Variants in PRR27 observed in about 807,000 individuals in gnomAD.
The protein encoded by PRR27 is proline-rich protein 27.
A neutral mutation model predicts 16.8 loss-of-function variants in PRR27; 12 were observed. That is an observed-to-expected ratio of 0.71 (90% CI 0.46 to 1.16). The LOEUF is 1.16. Ranked by LOEUF, PRR27 falls within the 50% of genes most tolerant of loss-of-function variation. The pLI, the probability that PRR27 is intolerant of heterozygous loss-of-function variation, is 0.00. For synonymous variants in PRR27, 100 were observed against 98.4 expected, an observed-to-expected ratio of 1.02 and a Z score of -0.10; for missense variants, 277 against 273.3, an observed-to-expected ratio of 1.01 and a Z score of -0.10.
intron 3 of PRR27, among the ~76,000 whole-genome samples, chr4:70,159,915 T>G (rs1018205700): frequency 1.3e-5 from 2 of 152,184 alleles, no homozygotes; most frequent in Non-Finnish European, 2.9e-5. Context: ...GTACCAATTG[T>G]GAGTACCAAT....
intron 1 of PRR27, among the ~76,000 whole-genome samples, chr4:70,154,943 A>G (rs1377249032): frequency 6.6e-6 from 1 of 152,202 alleles, no homozygotes; most frequent in Non-Finnish European, 1.5e-5. Flanking sequence ...TCTGATGGCA[A>G]ATTCTTAATC....
chr4:70,154,552 A>C, intron 1 of PRR27, 126 bp downstream of exon 1: 1 of 892,832 alleles, frequency 1.1e-6, no homozygotes, highest in Non-Finnish European at 1.8e-6. Flanking sequence ...ATAGATGGAC[A>C]TGAGATTTGT....
chr4:70,156,151 C>A, intron 2 of PRR27, 74 bp downstream of exon 2: 1 of 789,612 alleles, frequency 1.3e-6, no homozygotes, highest in Non-Finnish European at 1.9e-6. Context: ...TTAAAACTCT[C>A]TGATTTCTTT....
intron 2 of PRR27, among the ~76,000 whole-genome samples, chr4:70,157,324 A>T (rs1568503): frequency 0.95 from 144,848 of 151,832 alleles, 69,308 homozygotes; most frequent in East Asian, 1. Flanking sequence ...GAGAAGGTAC[A>T]CATTTTATAC....
At chr4:70,160,918 T>C (rs1728630293) in intron 3 of PRR27, among the ~76,000 whole-genome samples, 1 of 152,008 alleles carries the variant, frequency 6.6e-6, no homozygotes, top group Non-Finnish European at 1.5e-5. Context: ...GAATTATTTA[T>C]GCAGCACATT....
intron 1 of PRR27, chr4:70,154,669 G>T (rs1010904678): frequency 9.6e-7 from 1 of 1,040,024 alleles, no homozygotes; most frequent in African/African-American, 1.6e-5. Flanking sequence ...AATGTAGGAG[G>T]CTGGAGGAGG....
chr4:70,161,309 A>G (rs1728645535), intron 3 of PRR27, among the ~76,000 whole-genome samples: 1 of 150,720 alleles, frequency 6.6e-6, no homozygotes, highest in South Asian at 2.1e-4. Flanking sequence ...GAACCTGATA[A>G]GAAGGGACCT....
At chr4:70,159,499 C>T (rs757186222) in intron 3 of PRR27, among the ~76,000 whole-genome samples, 23 of 152,202 alleles carry the variant, frequency 1.5e-4, no homozygotes, top group Admixed American at 6.5e-4. Context: ...GATGGACATC[C>T]CTGCTCAGTT....
At position 70,164,595 on chromosome 4, in the gene PRR27, T is replaced by A. The variant is rs1399915011; in HGVS notation, c.*1934T>A. ...CTGTCTTTCACAGATACATGCAATA[T>A]TCACTTCTAAATATTTAATGATAAA... On this transcript the variant is annotated 3_prime_UTR_variant, in exon 5 of 5. Coordinates refer to ENST00000344526, the MANE Select transcript of PRR27 (RefSeq NM_214711.4). 3 of 152,170 alleles carry A rather than the reference T, an allele frequency of 2.0e-5. No homozygotes were observed. The highest frequency in any genetic ancestry group is 4.4e-5 in the Non-Finnish European group (3 of 68,000). 9.4% of individuals were successfully genotyped at this position (152,170 alleles called of 1,614,324 possible).
chr4:70,165,512 T>C lies in PRR27; in HGVS notation c.*2851T>C, dbSNP rs1480794994. The C allele has an allele frequency of 2.0e-5, 3 of 152,104 alleles. No homozygotes were observed. The highest frequency in any genetic ancestry group is 7.2e-5 in the African/African-American group (3 of 41,426). The allele number at this position is 152,104 out of a possible 1,614,324, so 9.4% of individuals were successfully genotyped here. ...TACTTAGTGGATTAGGGTAATTCAT[T>C]CTACTTTTAAAAATGATTTTTCCAC... On this transcript the variant is annotated 3_prime_UTR_variant, in exon 5 of 5. Transcript: ENST00000344526.
Position 70,163,585 on chromosome 4 carries a change from T to A in PRR27, c.*924T>A, listed in dbSNP as rs1158722053. On this transcript the variant is annotated 3_prime_UTR_variant, in exon 5 of 5. Coordinates refer to ENST00000344526, the MANE Select transcript of PRR27 (RefSeq NM_214711.4). ...CCTCGGCCTCCCAAAGTGCTGGGAA[T>A]ACAGGCGTGAGCCACCGTGCCCTGC... 1 of 152,846 alleles carries A rather than the reference T, an allele frequency of 6.5e-6. No individual in the cohort carries two copies. Among genetic ancestry groups the A allele is most frequent in the Non-Finnish European group, 1.5e-5 (1 of 68,642 alleles). The allele number at this position is 152,846 out of a possible 1,614,324, so 9.5% of individuals were successfully genotyped here. A position where few individuals can be genotyped will look rare whatever the true frequency, so the allele number is the denominator to read the frequency against.
Position 70,163,314 on chromosome 4 carries a change from T to TTA in PRR27, c.*654_*655insAT, listed in dbSNP as rs1728687290. On this transcript the variant is annotated 3_prime_UTR_variant, in exon 5 of 5. Transcript: ENST00000344526. ...CTAACAGAAATGGAGGAATAGCCTC[T>TTA]TTTTTTTTTTTTTTTTTTGAGACGA... is the stretch of plus-strand genomic sequence containing the variant. 1 of 28,804 alleles carries TTA rather than the reference T, an allele frequency of 3.5e-5. No individual in the cohort carries two copies. The highest frequency in any genetic ancestry group is 0.071 in the Middle Eastern group (1 of 14). The allele number at this position is 28,804 out of a possible 1,614,324, so 1.8% of individuals were successfully genotyped here.
chr4:70,157,333 A>G (rs1728507533), intron 2 of PRR27, among the ~76,000 whole-genome samples: 1 of 151,826 alleles, frequency 6.6e-6, no homozygotes, highest in Admixed American at 6.6e-5. Context: ...CACATTTTAT[A>G]CTTTTAAAAA....
rs1279449405 is a variant in PRR27, at chr4:70,154,401, T to C, written c.26T>C (p.Ile9Thr). ...ATGAAGCTTCTCCTTTGGGCCTGCA[T>C]TGTATGTGTTGCTTTTGCAAGGAAG... is the stretch of plus-strand genomic sequence containing the variant. Reference protein sequence around the residue: MKLLLWACIVCVAFARKRR... With the variant: MKLLLWACTVCVAFARKRR... Residue 9 changes from isoleucine to threonine, a missense_variant, in exon 1 of 5, where the codon ATT (isoleucine) becomes ACT (threonine). Coordinates refer to ENST00000344526, the MANE Select transcript of PRR27 (RefSeq NM_214711.4). 2.5e-6 allele frequency: 4 copies of C among 1,612,970 alleles called. No homozygotes were observed. The Admixed American group carries it at 5.0e-5, about 20-fold the overall frequency.
At chr4:70,155,848 A>C (rs1728463724) in intron 1 of PRR27, among the ~76,000 whole-genome samples, 1 of 152,170 alleles carries the variant, frequency 6.6e-6, no homozygotes, top group Non-Finnish European at 1.5e-5. Context: ...AGCCAAAGTA[A>C]AACTCCCTGA....
chr4:70,154,426 G>A lies in PRR27; in HGVS notation c.51G>A (p.Lys17=). 6.2e-7 allele frequency: 1 copy of A among 1,611,616 alleles called. No homozygotes were observed. Among genetic ancestry groups the A allele is most frequent in the Non-Finnish European group, 8.5e-7 (1 of 1,177,964 alleles). The stretch of plus-strand genomic sequence containing the variant: ...TTGTATGTGTTGCTTTTGCAAGGAA[G>A]GTAAGTAAATGGACTTCCAAAATTG... ...ACIVCVAFAR[K]RRFPFIGEDD... is the part of the protein sequence containing the mutation. The change falls in exon 1 of 5, where the codon AAG becomes AAA. Residue 17 remains lysine, a splice_region_variant and synonymous_variant. Coordinates refer to ENST00000344526, the MANE Select transcript of PRR27 (RefSeq NM_214711.4).
rs200624625 is a variant in PRR27, at chr4:70,156,059, G to A, written c.57G>A (p.Arg19=). Reference sequence around the variant, plus strand: ...TATATTTTTCTTTATTTTAGAGACGGTTCCCCTTCATTGGTGAGGTAAAAC... The same window carrying A: ...TATATTTTTCTTTATTTTAGAGACGATTCCCCTTCATTGGTGAGGTAAAAC... The part of the protein sequence containing the change: ...IVCVAFARKR[R]FPFIGEDDND... Residue 19 remains arginine, a synonymous_variant, in exon 2 of 5, where the codon CGG becomes CGA. Transcript: ENST00000344526. The A allele has an allele frequency of 2.8e-6, 4 of 1,434,728 alleles. No individual in the cohort carries two copies. Among genetic ancestry groups the A allele is most frequent in the Non-Finnish European group, 3.7e-6 (4 of 1,072,218 alleles). 88.9% of individuals were successfully genotyped at this position (1,434,728 alleles called of 1,614,324 possible).
At position 70,164,452 on chromosome 4, in the gene PRR27, T is replaced by C. The variant is rs2109796656; in HGVS notation, c.*1791T>C. The C allele has an allele frequency of 6.6e-6, 1 of 152,294 alleles. No individual in the cohort carries two copies. Among genetic ancestry groups the C allele is most frequent in the Admixed American group, 6.5e-5 (1 of 15,300 alleles). The allele number at this position is 152,294 out of a possible 1,614,324, so 9.4% of individuals were successfully genotyped here. ...GCCATGAGGACATGGTCTCAAAAAATGAGAAACTTTCTTAGACAGTAAAAT... is the reference window on the plus strand; with the variant it reads ...GCCATGAGGACATGGTCTCAAAAAACGAGAAACTTTCTTAGACAGTAAAAT... On this transcript the variant is annotated 3_prime_UTR_variant, in exon 5 of 5. Coordinates refer to ENST00000344526, the MANE Select transcript of PRR27 (RefSeq NM_214711.4).
rs750903215 is a variant in PRR27 at position 70,161,593 on chromosome 4, A to G, written c.656A>G (p.Gln219Arg). The change falls in exon 4 of 5, where the codon CAG (glutamine) becomes CGG (arginine). Residue 219 changes from glutamine (Q) to arginine (R), a missense_variant. Transcript: ENST00000344526. ...HPSPSLEQAN[Q>R] is the part of the protein sequence containing the mutation. Reference sequence around the variant, plus strand: ...TTTTTTAATGTTTTCTAGGCAAATCAGTGAAATTCTCTAGAAGAGTACCAT... The same window carrying G: ...TTTTTTAATGTTTTCTAGGCAAATCGGTGAAATTCTCTAGAAGAGTACCAT... The G allele has an allele frequency of 3.3e-6, 5 of 1,520,570 alleles. No individual in the cohort carries two copies. The highest frequency in any genetic ancestry group is 2.8e-5 in the African/African-American group (2 of 72,634). The allele number at this position is 1,520,570 out of a possible 1,614,324, so 94.2% of individuals were successfully genotyped here.
Sources: gnomAD v4.1 joint callset for allele counts (sites outside exome capture counted in the v4.1 genomes callset) on GRCh38, gnomAD v4.1.1 for gene constraint, MANE v1.5 for transcripts, NCBI Gene and HGNC (gene_info 2026-07-23, HGNC 2026-07-21) for gene names.